ATP2B2: variants seen among roughly 807,000 people sequenced by gnomAD.
ATP2B2 encodes the protein plasma membrane calcium-transporting ATPase 2.
Under a neutral mutation model 120.0 loss-of-function variants are expected in ATP2B2, and 15 were observed. That is an observed-to-expected ratio of 0.12 (90% CI 0.08 to 0.19). The LOEUF is 0.19. Among genes scored for constraint, ATP2B2 ranks in the 10% least tolerant of loss-of-function variants. The pLI, the probability that ATP2B2 is intolerant of heterozygous loss-of-function variation, is 1.00. For synonymous variants in ATP2B2, 694 were observed against 700.3 expected, an observed-to-expected ratio of 0.99 and a Z score of 0.14; for missense variants, 1,045 against 1,719.8, an observed-to-expected ratio of 0.61 and a Z score of 6.94.
intron 2 of ATP2B2, among the ~76,000 whole-genome samples, chr3:10,552,160 C>T (rs1297726894): frequency 1.3e-5 from 2 of 152,220 alleles, no homozygotes; most frequent in African/African-American, 2.4e-5. Context: ...GCCGCCGCCT[C>T]GGTGCCGGTT....
intron 2 of ATP2B2, among the ~76,000 whole-genome samples, chr3:10,543,729 T>A (rs369422172): frequency 6.6e-6 from 1 of 151,532 alleles, no homozygotes; most frequent in East Asian, 1.9e-4. Context: ...ACTCTTTGAG[T>A]GTTCTTCATA....
chr3:10,346,028 T>C lies in ATP2B2; in HGVS notation c.2511+3A>G. 1 of 1,610,668 alleles carries C rather than the reference T, an allele frequency of 6.2e-7. No individual in the cohort carries two copies. On this transcript the variant is annotated splice_donor_region_variant and intron_variant, in intron 17 of 22. Coordinates refer to ENST00000360273, the MANE Select transcript of ATP2B2 (RefSeq NM_001001331.4). The surrounding 1 kb of genome is among the most constrained non-coding windows in gnomAD (Gnocchi z 4.1). ...CCCCAGGCCCTCTGTGGGCCGTTCC[T>C]ACCATGGCGAAGCCCACGTCGGCCT...
chr3:10,365,767 C>T (rs932508441), intron 12 of ATP2B2, among the ~76,000 whole-genome samples: 9 of 384 alleles, frequency 0.023, no homozygotes, highest in African/African-American at 0.12. Context: ...GTGTGTTGTG[C>T]GCTGTATGTG....
At chr3:10,435,313 G>A (rs951352235) in intron 2 of ATP2B2, among the ~76,000 whole-genome samples, 6 of 152,164 alleles carry the variant, frequency 3.9e-5, no homozygotes, top group African/African-American at 1.4e-4. Flanking sequence ...TCCCAAATAA[G>A]GAGGAAGCAG....
At chr3:10,368,118 G>A (rs1332082481) in intron 12 of ATP2B2, among the ~76,000 whole-genome samples, 1 of 152,144 alleles carries the variant, frequency 6.6e-6, no homozygotes, top group Non-Finnish European at 1.5e-5. Context: ...AAACTGAGGG[G>A]GCTGAACTAG....
intron 2 of ATP2B2, among the ~76,000 whole-genome samples, chr3:10,536,130 G>T (rs1365457817): frequency 3.3e-5 from 5 of 152,070 alleles, no homozygotes; most frequent in African/African-American, 1.2e-4. Flanking sequence ...GACTAATGAT[G>T]TTGCACATCT....
chr3:10,476,801 G>C (rs2065221305), intron 1 of ATP2B2, among the ~76,000 whole-genome samples: 3 of 152,214 alleles, frequency 2.0e-5, no homozygotes, highest in Non-Finnish European at 4.4e-5. Context: ...GGGGGTGAAG[G>C]TATGACAGAG....
intron 2 of ATP2B2, among the ~76,000 whole-genome samples, chr3:10,555,221 G>A (rs2067753185): frequency 6.6e-6 from 1 of 152,256 alleles, no homozygotes; most frequent in African/African-American, 2.4e-5. Context: ...CTCTCAGCCA[G>A]GCCCAGGCCC....
At chr3:10,355,113 G>A (rs897251523) in intron 14 of ATP2B2, among the ~76,000 whole-genome samples, 3 of 152,074 alleles carry the variant, frequency 2.0e-5, no homozygotes, top group African/African-American at 4.8e-5. Flanking sequence ...ATACCCACCC[G>A]TCTCCTTGGG....
intron 5 of ATP2B2, among the ~76,000 whole-genome samples, chr3:10,396,304 C>G (rs2062034668): frequency 1.3e-5 from 2 of 152,250 alleles, no homozygotes; most frequent in Admixed American, 6.5e-5. Flanking sequence ...GGAGGCCTCA[C>G]CAGCTTCCCC....
In ATP2B2 at chr3:10,400,573, C is replaced by CG. The variant is rs201982531; in HGVS notation, c.781+379dup. Among the ~76,000 whole-genome samples, 1,435 of 152,258 alleles carry CG rather than the reference C, an allele frequency of 9.4e-3. 28 individuals carry two copies. Among genetic ancestry groups the CG allele is most frequent in the African/African-American group, 0.031 (1,300 of 41,544 alleles). ...TCACTCACTGCTGCAGCCTTAGTGC[C>CG]GGGCCCAGTACCTGGCACACAGCTG... On this transcript the variant is annotated intron_variant, in intron 5 of 22. Transcript: ENST00000360273.
At chr3:10,470,699 C>G (rs2064948011) in intron 1 of ATP2B2, among the ~76,000 whole-genome samples, 1 of 152,194 alleles carries the variant, frequency 6.6e-6, no homozygotes, top group African/African-American at 2.4e-5. Context: ...TGCCCCTCTG[C>G]CAGGCCTCGG....
At chr3:10,704,931 C>T (rs1276461194) in intron 1 of ATP2B2, among the ~76,000 whole-genome samples, 1 of 152,162 alleles carries the variant, frequency 6.6e-6, no homozygotes, top group East Asian at 1.9e-4. Context: ...TAAGCATATT[C>T]TCTTATTTGC....
At chr3:10,337,189 T>C (rs1419460280) in intron 22 of ATP2B2, among the ~76,000 whole-genome samples, 2 of 152,056 alleles carry the variant, frequency 1.3e-5, no homozygotes, top group African/African-American at 4.8e-5. Flanking sequence ...GCTGTGAAGG[T>C]CACATGAGGT....
chr3:10,388,933 T>G (rs1305180405), intron 5 of ATP2B2, among the ~76,000 whole-genome samples: 1 of 152,216 alleles, frequency 6.6e-6, no homozygotes, highest in Non-Finnish European at 1.5e-5. Context: ...TACCACATAT[T>G]TTTTTTCTAC....
chr3:10,477,206 T>C (rs550704452), intron 1 of ATP2B2, among the ~76,000 whole-genome samples: 9 of 152,330 alleles, frequency 5.9e-5, no homozygotes, highest in African/African-American at 2.2e-4. Context: ...GTGTTTCAGC[T>C]TTCCCTCTTA....
intron 5 of ATP2B2, among the ~76,000 whole-genome samples, chr3:10,394,903 G>A (rs929015915): frequency 2.1e-4 from 32 of 152,196 alleles, no homozygotes; most frequent in Admixed American, 3.3e-4. Flanking sequence ...CCACATTGAT[G>A]GCATCTAGTC....
chr3:10,706,811 T>C (rs1048250176), intron 1 of ATP2B2, among the ~76,000 whole-genome samples: 21 of 152,252 alleles, frequency 1.4e-4, no homozygotes, highest in African/African-American at 4.3e-4. Context: ...GTCACACAGC[T>C]AGTAAGAGAC....
intron 2 of ATP2B2, among the ~76,000 whole-genome samples, chr3:10,593,531 A>G (rs2068693171): frequency 6.6e-6 from 1 of 152,180 alleles, no homozygotes; most frequent in African/African-American, 2.4e-5. Context: ...CTGAAACTGG[A>G]TCCCTTCCTT....
Sources: gnomAD v4.1 joint callset for allele counts (sites outside exome capture counted in the v4.1 genomes callset) on GRCh38, gnomAD v4.1.1 for gene constraint, Gnocchi (gnomAD v3.1) non-coding constraint, MANE v1.5 for transcripts, NCBI Gene and HGNC (gene_info 2026-07-23, HGNC 2026-07-21) for gene names.